ARAP2: variants seen among roughly 807,000 people sequenced by gnomAD.
The protein encoded by ARAP2 is ArfGAP with RhoGAP domain, ankyrin repeat and PH domain 2.
A neutral mutation model predicts 194.5 loss-of-function variants in ARAP2; 148 were observed. That is an observed-to-expected ratio of 0.76 (90% CI 0.67 to 0.87). ARAP2 has a LOEUF of 0.87. Ranked by LOEUF, ARAP2 falls within the 40% of genes least tolerant of loss-of-function variation. ARAP2 has a pLI of 0.00. For synonymous variants in ARAP2, 695 were observed against 683.5 expected, an observed-to-expected ratio of 1.02 and a Z score of -0.26; for missense variants, 2,128 against 1,989.7, an observed-to-expected ratio of 1.07 and a Z score of -1.32.
At chr4:36,019,179 A>T (rs2086027990) in exon 6 of ARAP2, 2 of 149,572 alleles carry the variant, frequency 1.3e-5, no homozygotes, top group Admixed American at 1.3e-4. Context: ...TTTCATCTTT[A>T]ATTATGCTTG....
intron 2 of ARAP2, among the ~76,000 whole-genome samples, chr4:36,055,855 C>T (rs970116975): frequency 1.3e-5 from 2 of 152,162 alleles, no homozygotes; most frequent in Admixed American, 1.3e-4. Flanking sequence ...TGAGCCACTG[C>T]GCCCAGCCAG....
chr4:36,169,678 T>C (rs922037065), intron 9 of ARAP2, among the ~76,000 whole-genome samples: 4 of 152,062 alleles, frequency 2.6e-5, no homozygotes, highest in Non-Finnish European at 4.4e-5. Flanking sequence ...ACTACAGGTG[T>C]GCACCACCAG....
At chr4:36,185,978 C>CAAAAAAAAAAAAAAAAAA (rs1054588041) in intron 8 of ARAP2, among the ~76,000 whole-genome samples, 1 of 135,152 alleles carries the variant, frequency 7.4e-6, no homozygotes, top group African/African-American at 2.8e-5. Flanking sequence ...AACTCTGTCT[C>CAAAAAAAAAAAAAAAAAA]AAAAAAAAAA....
intron 27 of ARAP2, among the ~76,000 whole-genome samples, chr4:36,105,444 T>C (rs1718129435): frequency 1.3e-5 from 2 of 152,022 alleles, no homozygotes; most frequent in Admixed American, 6.6e-5. Flanking sequence ...TAGCTTTTTT[T>C]CTACAAGATT....
At chr4:36,193,510 A>T (rs1021803878) in intron 7 of ARAP2, 68 bp downstream of exon 7, 2 of 1,069,564 alleles carry the variant, frequency 1.9e-6, no homozygotes, top group African/African-American at 3.2e-5. Context: ...TAAAAACCAA[A>T]CTGCTTGCTT....
chr4:36,078,939 C>T (rs902627116), intron 31 of ARAP2, among the ~76,000 whole-genome samples: 1 of 151,908 alleles, frequency 6.6e-6, no homozygotes, highest in African/African-American at 2.4e-5. Context: ...TTTGGGAGGC[C>T]AAGGTGGGCG....
chr4:36,050,925 AT>A (rs1722557704), intron 3 of ARAP2, among the ~76,000 whole-genome samples: 1 of 152,218 alleles, frequency 6.6e-6, no homozygotes, highest in Admixed American at 6.5e-5. Flanking sequence ...AACATGAGTT[AT>A]TTGTGGAAGT....
intron 5 of ARAP2, among the ~76,000 whole-genome samples, chr4:36,034,576 A>G (rs1233244178): frequency 1.3e-5 from 2 of 152,118 alleles, no homozygotes; most frequent in Non-Finnish European, 2.9e-5. Context: ...GTATAAAATC[A>G]TATTTCCTGC....
At chr4:36,027,452 T>C (rs1375701671) in intron 5 of ARAP2, among the ~76,000 whole-genome samples, 1 of 151,458 alleles carries the variant, frequency 6.6e-6, no homozygotes, top group African/African-American at 2.4e-5. Flanking sequence ...TCATGGCTGA[T>C]TGGGCTCAGC....
chr4:36,213,392 A>T, intron 3 of ARAP2, 73 bp from the exon 4 acceptor site: 1 of 1,173,742 alleles, frequency 8.5e-7, no homozygotes, highest in East Asian at 2.4e-5. Flanking sequence ...AAAAAGATTA[A>T]AAGCATGAGT....
intron 19 of ARAP2, 133 bp downstream of exon 19, chr4:36,147,163 T>A: frequency 1.5e-6 from 1 of 673,340 alleles, no homozygotes; most frequent in East Asian, 2.8e-5. Context: ...ATACTATATA[T>A]GTATATTTAT....
intron 8 of ARAP2, among the ~76,000 whole-genome samples, chr4:36,179,344 A>G (rs1225832448): frequency 1.3e-5 from 2 of 152,176 alleles, no homozygotes; most frequent in Non-Finnish European, 2.9e-5. Context: ...CAAATTACTC[A>G]GAATAAAAGG....
chr4:36,205,907 T>G (rs1745440085), intron 6 of ARAP2, among the ~76,000 whole-genome samples: 1 of 152,214 alleles, frequency 6.6e-6, no homozygotes, highest in Non-Finnish European at 1.5e-5. Context: ...GGCACAATGT[T>G]TACAAGTAGC....
At chr4:36,147,472 A>T (rs1424299355) in intron 18 of ARAP2, 76 bp downstream of exon 18, 36 of 1,562,876 alleles carry the variant, frequency 2.3e-5, no homozygotes, top group Admixed American at 1.9e-4. Context: ...AGCCATCAAG[A>T]TCTTACTAAA....
At chr4:36,227,332 T>C (rs1750551283) in intron 2 of ARAP2, among the ~76,000 whole-genome samples, 2 of 152,192 alleles carry the variant, frequency 1.3e-5, no homozygotes, top group Admixed American at 1.3e-4. Flanking sequence ...GTTTAATAAA[T>C]GTGGTTAATA....
intron 8 of ARAP2, among the ~76,000 whole-genome samples, chr4:36,178,856 T>TG (rs1056208573): frequency 8.5e-5 from 13 of 152,060 alleles, no homozygotes; most frequent in Non-Finnish European, 1.6e-4. Flanking sequence ...CTTGAAACTA[T>TG]GGGGGTAAAA....
chr4:36,171,363 C>A (rs1314450050), intron 9 of ARAP2, among the ~76,000 whole-genome samples: 1 of 152,148 alleles, frequency 6.6e-6, no homozygotes, highest in Non-Finnish European at 1.5e-5. Context: ...AGTTCATGTC[C>A]TTTGTACGGA....
intron 7 of ARAP2, among the ~76,000 whole-genome samples, chr4:36,191,167 A>G (rs557470476): frequency 2.0e-4 from 31 of 152,194 alleles, no homozygotes; most frequent in Non-Finnish European, 3.7e-4. Flanking sequence ...TTTAGCTTGC[A>G]TAAGAATTAG....
At chr4:36,022,778 C>T (rs1012118011) in intron 5 of ARAP2, among the ~76,000 whole-genome samples, 15 of 152,088 alleles carry the variant, frequency 9.9e-5, no homozygotes, top group Non-Finnish European at 2.1e-4. Context: ...CGGATAACCC[C>T]TCCAAAATTT....
Sources: gnomAD v4.1 joint callset for allele counts (sites outside exome capture counted in the v4.1 genomes callset) on GRCh38, gnomAD v4.1.1 for gene constraint, MANE v1.5 for transcripts, NCBI Gene and HGNC (gene_info 2026-07-23, HGNC 2026-07-21) for gene names.